MOBP: variants seen among roughly 807,000 people sequenced by gnomAD.
MOBP encodes the protein myelin-associated oligodendrocyte basic protein.
In MOBP, 5 loss-of-function variants were observed where a neutral mutation model predicts 15.0. The observed-to-expected ratio is 0.33, with a 90% CI of 0.17 to 0.70. The LOEUF (loss-of-function observed/expected upper bound fraction) is 0.70, where lower values mean the gene tolerates loss of function less well. Among genes scored for constraint, MOBP ranks in the 30% least tolerant of loss-of-function variants. The pLI, the probability that MOBP is intolerant of heterozygous loss-of-function variation, is 0.67. For missense variants in MOBP, 188 were observed against 257.8 expected (o/e 0.73, Z 1.85); for synonymous variants, 88 against 99.0 (o/e 0.89, Z 0.66).
chr3:39,526,746 A>G (rs1303714862), downstream of MOBP: 1 of 141,496 alleles, frequency 7.1e-6, no homozygotes, highest in Non-Finnish European at 1.5e-5. Flanking sequence ...TGGTGTAAAT[A>G]TTTCCACAAT....
chr3:39,518,962 T>C (rs1421010394), downstream of MOBP, among the ~76,000 whole-genome samples: 1 of 152,176 alleles, frequency 6.6e-6, no homozygotes, highest in Non-Finnish European at 1.5e-5. Flanking sequence ...CAGGCTGGCT[T>C]CTAGGACCTC....
At chr3:39,510,587 C>T (rs1303826707) in intron 4 of MOBP, among the ~76,000 whole-genome samples, 1 of 151,906 alleles carries the variant, frequency 6.6e-6, no homozygotes, top group Non-Finnish European at 1.5e-5. Context: ...CATTCTTTTT[C>T]AATTTTGATT....
intron 1 of MOBP, among the ~76,000 whole-genome samples, chr3:39,476,459 A>T (rs1188098493): frequency 6.6e-6 from 1 of 152,208 alleles, no homozygotes; most frequent in East Asian, 1.9e-4. Context: ...TCTGACTCCA[A>T]TCTAGCAGCA....
downstream of MOBP, among the ~76,000 whole-genome samples, chr3:39,516,730 T>C (rs533264330): frequency 5.3e-5 from 8 of 152,376 alleles, no homozygotes; most frequent in African/African-American, 1.9e-4. Flanking sequence ...TACAACTTCA[T>C]ATTTAGATCT....
intron 2 of MOBP, among the ~76,000 whole-genome samples, chr3:39,501,346 G>A (rs2042967129): frequency 6.6e-6 from 1 of 152,194 alleles, no homozygotes; most frequent in African/African-American, 2.4e-5. Flanking sequence ...TCCCCTGTGG[G>A]CTTCGGTGTT....
At chr3:39,481,484 T>C (rs2042627388) in intron 2 of MOBP, among the ~76,000 whole-genome samples, 1 of 152,236 alleles carries the variant, frequency 6.6e-6, no homozygotes, top group South Asian at 2.1e-4. Flanking sequence ...TTTTTTGATA[T>C]TATTTCTATT....
intron 2 of MOBP, among the ~76,000 whole-genome samples, chr3:39,482,825 T>C (rs1301414156): frequency 6.6e-6 from 1 of 152,068 alleles, no homozygotes; most frequent in East Asian, 1.9e-4. Flanking sequence ...CCTTCTTATA[T>C]ACATTGTTAC....
intron 2 of MOBP, among the ~76,000 whole-genome samples, chr3:39,494,551 CAGTGTTT>C (rs2042847020): frequency 6.6e-6 from 1 of 151,928 alleles, no homozygotes; most frequent in South Asian, 2.1e-4. Context: ...AAACGTCATG[CAGTGTTT>C]ATAATTTGTT....
rs13089873 is a variant in MOBP, at chr3:39,469,063, T to C, written c.-89+1323T>C. Among the ~76,000 whole-genome samples, 54 of 61,670 alleles carry C rather than the reference T, an allele frequency of 8.8e-4. 1 individual carries two copies. Among genetic ancestry groups the C allele is most frequent in the Non-Finnish European group, 1.1e-3 (37 of 33,204 alleles). 40.5% of individuals were successfully genotyped at this position (61,670 alleles called of 152,430 possible). ...ATATACATATGTGTGTGTATATACA[T>C]ATATACATATGTGTGTGTGTATATA... On this transcript the variant is annotated intron_variant, in intron 1 of 3. Coordinates refer to ENST00000684792, the MANE Select transcript of MOBP (RefSeq NM_001393704.1).
downstream of MOBP, chr3:39,526,755 A>T (rs1335560643): frequency 6.7e-6 from 1 of 149,832 alleles, no homozygotes; most frequent in Non-Finnish European, 1.5e-5. Flanking sequence ...TATTTCCACA[A>T]TGCAGATTCC....
At chr3:39,513,436 TAA>T in exon 5 of MOBP, 1 of 1,613,664 alleles carries the variant, frequency 6.2e-7, no homozygotes, top group Non-Finnish European at 8.5e-7. Flanking sequence ...AGGAGGAGTT[TAA>T]ACTGAATGAA....
chr3:39,491,638 G>T (rs1458816753), intron 2 of MOBP, among the ~76,000 whole-genome samples: 1 of 152,178 alleles, frequency 6.6e-6, no homozygotes, highest in African/African-American at 2.4e-5. Context: ...GGTGTAAAAT[G>T]CATGTCCTTT....
chr3:39,490,698 G>T (rs2042782147), intron 2 of MOBP, among the ~76,000 whole-genome samples: 1 of 152,146 alleles, frequency 6.6e-6, no homozygotes, highest in Non-Finnish European at 1.5e-5. Flanking sequence ...AAATAGCTGG[G>T]ATTACAGGCA....
At chr3:39,515,665 C>G (rs1488357952) in exon 5 of MOBP, 2 of 152,176 alleles carry the variant, frequency 1.3e-5, no homozygotes, top group Non-Finnish European at 2.9e-5. Context: ...CTTGTGCCCA[C>G]CTTGGAACTC....
At chr3:39,484,495 C>T (rs1443362516) in intron 2 of MOBP, among the ~76,000 whole-genome samples, 1 of 152,080 alleles carries the variant, frequency 6.6e-6, no homozygotes, top group Non-Finnish European at 1.5e-5. Context: ...GGCCAGCCAG[C>T]AGATAAACGG....
In MOBP at chr3:39,508,402, A is replaced by C. The variant is rs575734065; in HGVS notation, c.*-4981A>C. On this transcript the variant is annotated intron_variant, in intron 4 of 4. Coordinates refer to the MOBP transcript ENST00000311042. ...TCCTTATATTTCACCTATGCAGTCA[A>C]CTCCCCAGCCCATAGTAACCACTGA... 4.6e-5 allele frequency among the ~76,000 whole-genome samples: 7 copies of C among 152,010 alleles called. No individual in the cohort carries two copies. The South Asian group carries it at 1.3e-3, about 27-fold the overall frequency.
chr3:39,493,288 G>A (rs111550482), intron 2 of MOBP, among the ~76,000 whole-genome samples: 3,638 of 152,268 alleles, frequency 0.024, 144 homozygotes, highest in African/African-American at 0.078. Flanking sequence ...AGAGCTTAAT[G>A]CCACCCCTAG....
At chr3:39,518,425 T>C (rs1393686911), downstream of MOBP, among the ~76,000 whole-genome samples, 1 of 152,184 alleles carries the variant, frequency 6.6e-6, no homozygotes, top group South Asian at 2.1e-4. Context: ...AGAAGGTGAC[T>C]GATGGTGGTG....
downstream of MOBP, chr3:39,503,085 TG>T: frequency 2.0e-6 from 1 of 492,346 alleles, no homozygotes; most frequent in Non-Finnish European, 3.5e-6. Context: ...TTCAGGTGGC[TG>T]TGGCCATTGC....
Sources: gnomAD v4.1 joint callset for allele counts (sites outside exome capture counted in the v4.1 genomes callset) on GRCh38, gnomAD v4.1.1 for gene constraint, MANE v1.5 for transcripts, NCBI Gene and HGNC (gene_info 2026-07-23, HGNC 2026-07-21) for gene names.